Variants in WWOX observed in about 807,000 individuals in gnomAD.
WWOX encodes WW domain containing oxidoreductase.
In WWOX, 69 loss-of-function variants were observed where a neutral mutation model predicts 46.2. The ratio of observed to expected loss-of-function variants is 1.49; its 90% CI spans 1.23 to 1.82. WWOX has a LOEUF of 1.82. WWOX is among the 40% of genes most tolerant of loss of function. WWOX has a pLI of 0.00. For synonymous variants in WWOX, 359 were observed against 202.6 expected, an observed-to-expected ratio of 1.77 and a Z score of -6.56; for missense variants, 919 against 542.6, an observed-to-expected ratio of 1.69 and a Z score of -6.89.
intron 8 of WWOX, among the ~76,000 whole-genome samples, chr16:78,765,071 C>T (rs1035868279): frequency 2.0e-5 from 3 of 152,144 alleles, no homozygotes; most frequent in Non-Finnish European, 2.9e-5. Flanking sequence ...CTCAGCATCT[C>T]GAAATGAGTG....
intron 8 of WWOX, among the ~76,000 whole-genome samples, chr16:78,617,689 C>T (rs973343775): frequency 1.3e-5 from 2 of 152,108 alleles, no homozygotes; most frequent in African/African-American, 2.4e-5. Context: ...TCCAGTGGGC[C>T]CCGCTGCATT....
intron 8 of WWOX, among the ~76,000 whole-genome samples, chr16:78,674,715 A>T (rs1258854138): frequency 6.6e-6 from 1 of 152,240 alleles, no homozygotes; most frequent in Non-Finnish European, 1.5e-5. Context: ...AAAATAAACA[A>T]GAACAAATGG....
At position 78,467,304 on chromosome 16, in the gene WWOX, A is replaced by G. The variant is rs561440996; in HGVS notation, c.1056+34552A>G. Among the ~76,000 whole-genome samples the G allele has an allele frequency of 9.8e-5, 15 of 152,334 alleles. No homozygotes were observed. The East Asian group carries it at 2.5e-3, about 25-fold the overall frequency. On this transcript the variant is annotated intron_variant, in intron 8 of 8. Coordinates refer to ENST00000566780, the MANE Select transcript of WWOX (RefSeq NM_016373.4). ...GTGTATGTATGATGTATATACCCAT[A>G]TACACACAGTCTATATATACATGTA...
chr16:78,312,987 G>A (rs1174732265), intron 5 of WWOX, among the ~76,000 whole-genome samples: 1 of 152,190 alleles, frequency 6.6e-6, no homozygotes, highest in African/African-American at 2.4e-5. Flanking sequence ...GATACCTGTT[G>A]AGTGATTGTG....
intron 5 of WWOX, among the ~76,000 whole-genome samples, chr16:78,301,988 T>G (rs2151867659): frequency 6.6e-6 from 1 of 150,404 alleles, no homozygotes; most frequent in Admixed American, 6.7e-5. Context: ...TGAGACAGGG[T>G]CTCACTCTGT....
At chr16:78,480,923 C>T (rs1246921341) in intron 8 of WWOX, among the ~76,000 whole-genome samples, 2 of 152,172 alleles carry the variant, frequency 1.3e-5, no homozygotes, top group African/African-American at 2.4e-5. Flanking sequence ...GCAAAAAGAT[C>T]AGTGTTTGGA....
intron 5 of WWOX, among the ~76,000 whole-genome samples, chr16:78,383,842 C>G (rs747172639): frequency 1.3e-5 from 2 of 152,162 alleles, no homozygotes; most frequent in Non-Finnish European, 2.9e-5. Context: ...TCCCCAGGAG[C>G]CTAGTAACCC....
At chr16:78,690,752 C>T (rs1037991285) in intron 8 of WWOX, among the ~76,000 whole-genome samples, 6 of 152,066 alleles carry the variant, frequency 3.9e-5, no homozygotes, top group African/African-American at 1.4e-4. Context: ...CCATTAAGTC[C>T]CTGAATTATT....
intron 8 of WWOX, among the ~76,000 whole-genome samples, chr16:78,571,761 G>A (rs569809791): frequency 3.9e-5 from 6 of 152,234 alleles, no homozygotes; most frequent in South Asian, 2.1e-4. Context: ...CCAGCTACTC[G>A]GGAGGGTGAA....
chr16:78,504,726 G>A (rs1214812668), intron 8 of WWOX, among the ~76,000 whole-genome samples: 1 of 152,058 alleles, frequency 6.6e-6, no homozygotes, highest in Non-Finnish European at 1.5e-5. Context: ...CAAAAGTGAG[G>A]CTGGTCATGG....
chr16:79,150,013 C>T (rs183078068), intron 8 of WWOX, among the ~76,000 whole-genome samples: 1 of 152,152 alleles, frequency 6.6e-6, no homozygotes, highest in African/African-American at 2.4e-5. Context: ...TTTATGGGAA[C>T]CTAAGAAGGA....
chr16:78,687,454 A>G (rs2047889276), intron 8 of WWOX, among the ~76,000 whole-genome samples: 1 of 152,180 alleles, frequency 6.6e-6, no homozygotes, highest in Non-Finnish European at 1.5e-5. Flanking sequence ...CGGTTAAGTG[A>G]ACAATCATTT....
intron 8 of WWOX, among the ~76,000 whole-genome samples, chr16:78,808,549 T>G: frequency 6.6e-6 from 1 of 152,180 alleles, no homozygotes; most frequent in Non-Finnish European, 1.5e-5. Context: ...TAGAAGGGTG[T>G]TCTTAACTGG....
intron 5 of WWOX, among the ~76,000 whole-genome samples, chr16:78,309,447 A>C (rs1286557872): frequency 1.3e-5 from 2 of 152,148 alleles, no homozygotes; most frequent in African/African-American, 2.4e-5. Flanking sequence ...AGAATGGGCT[A>C]ATATACCACG....
At chr16:78,295,221 C>T (rs763083429) in intron 5 of WWOX, among the ~76,000 whole-genome samples, 117 of 152,082 alleles carry the variant, frequency 7.7e-4, no homozygotes, top group South Asian at 1.0e-3. Context: ...TGTGTTAGAG[C>T]AGAGAGAGTG....
At chr16:79,210,463 G>T (rs576709520) in intron 8 of WWOX, among the ~76,000 whole-genome samples, 20 of 152,276 alleles carry the variant, frequency 1.3e-4, no homozygotes, top group Non-Finnish European at 2.4e-4. Context: ...TAAGCTTTGG[G>T]TCGGGTCGGA....
chr16:78,469,429 G>A (rs1462706433), intron 8 of WWOX, among the ~76,000 whole-genome samples: 1 of 152,196 alleles, frequency 6.6e-6, no homozygotes, highest in African/African-American at 2.4e-5. Context: ...CAAACCAAAA[G>A]TGAGCAACAA....
At chr16:78,546,251 A>C (rs2044028904) in intron 8 of WWOX, among the ~76,000 whole-genome samples, 1 of 152,126 alleles carries the variant, frequency 6.6e-6, no homozygotes, top group Non-Finnish European at 1.5e-5. Flanking sequence ...TTCTCTGAGG[A>C]GGTGAGGTTG....
chr16:79,108,614 A>G lies in WWOX; in HGVS notation c.1057-102994A>G, dbSNP rs546286615. Among the ~76,000 whole-genome samples the G allele has an allele frequency of 1.1e-3, 173 of 152,326 alleles. 2 individuals carry two copies. The highest frequency in any genetic ancestry group is 3.8e-3 in the African/African-American group (159 of 41,572). On this transcript the variant is annotated intron_variant, in intron 8 of 8. Coordinates refer to ENST00000566780, the MANE Select transcript of WWOX (RefSeq NM_016373.4). ...GAAAAACATTGCTTTAAAATTTTCC[A>G]TAGTTATTCGGGCATGGTGGCTCAA...
Sources: gnomAD v4.1 joint callset for allele counts (sites outside exome capture counted in the v4.1 genomes callset) on GRCh38, gnomAD v4.1.1 for gene constraint, MANE v1.5 for transcripts, NCBI Gene and HGNC (gene_info 2026-07-23, HGNC 2026-07-21) for gene names.